Variants in CTNND2 observed in about 807,000 individuals in gnomAD.
CTNND2 encodes the protein catenin delta-2.
CTNND2 carries 22 observed loss-of-function variants against 144.4 expected under a neutral mutation model. The ratio of observed to expected loss-of-function variants is 0.15; its 90% CI spans 0.11 to 0.22. The LOEUF is 0.22. Among genes scored for constraint, CTNND2 ranks in the 10% least tolerant of loss-of-function variants. The pLI is 1.00. For missense variants in CTNND2, 1,353 were observed against 1,618.8 expected, an observed-to-expected ratio of 0.84 and a Z score of 2.82; for synonymous variants, 751 against 695.6, an observed-to-expected ratio of 1.08 and a Z score of -1.25.
intron 12 of CTNND2, among the ~76,000 whole-genome samples, chr5:11,143,041 C>T (rs1362665931): frequency 6.6e-6 from 1 of 152,072 alleles, no homozygotes; most frequent in Non-Finnish European, 1.5e-5. Flanking sequence ...TTCCTCCTTC[C>T]CCCTTGACTT....
intron 3 of CTNND2, among the ~76,000 whole-genome samples, chr5:11,527,754 C>T (rs570195390): frequency 7.2e-5 from 11 of 152,280 alleles, no homozygotes; most frequent in African/African-American, 2.4e-4. Flanking sequence ...TTACTGTATA[C>T]TCTTAACGAG....
At chr5:11,486,552 A>T (rs186279448) in intron 3 of CTNND2, among the ~76,000 whole-genome samples, 149 of 152,272 alleles carry the variant, frequency 9.8e-4, no homozygotes, top group African/African-American at 3.3e-3. Context: ...AGGAAGAAAG[A>T]AGGAAGAAAC....
At chr5:11,457,368 C>CTA (rs1351585869) in intron 3 of CTNND2, among the ~76,000 whole-genome samples, 1 of 152,018 alleles carries the variant, frequency 6.6e-6, no homozygotes, top group African/African-American at 2.4e-5. Flanking sequence ...AGTAGAATTG[C>CTA]TATATATATC....
At chr5:11,285,955 A>C (rs1015045766) in intron 9 of CTNND2, among the ~76,000 whole-genome samples, 4 of 152,376 alleles carry the variant, frequency 2.6e-5, no homozygotes, top group Admixed American at 2.0e-4. Context: ...ATGCAGATCA[A>C]TAATGATGCC....
intron 3 of CTNND2, among the ~76,000 whole-genome samples, chr5:11,526,245 C>T (rs2150047897): frequency 6.6e-6 from 1 of 152,282 alleles, no homozygotes; most frequent in East Asian, 1.9e-4. Flanking sequence ...GTATGGATAA[C>T]ACACATTCAT....
At chr5:11,850,151 T>C (rs956149153) in intron 1 of CTNND2, among the ~76,000 whole-genome samples, 2 of 152,026 alleles carry the variant, frequency 1.3e-5, no homozygotes, top group Non-Finnish European at 2.9e-5. Flanking sequence ...GGGATATAGG[T>C]GATAGATGAG....
At chr5:11,056,702 A>G (rs1246234283) in intron 16 of CTNND2, among the ~76,000 whole-genome samples, 1 of 152,210 alleles carries the variant, frequency 6.6e-6, no homozygotes, top group Non-Finnish European at 1.5e-5. Flanking sequence ...GAACTTTTGT[A>G]AGTAATAATT....
In CTNND2 at chr5:11,271,694, G is replaced by A. The variant is rs1041963074; in HGVS notation, c.1629-34871C>T. 5.3e-5 allele frequency among the ~76,000 whole-genome samples: 8 copies of A among 152,282 alleles called. No homozygotes were observed. In the East Asian group the frequency reaches 1.5e-3, roughly 29 times the overall value. ...TAGATGATACGCTGCAAAGGATTAT[G>A]TTGTACCTTTAAATATCTCATATCA... On this transcript the variant is annotated intron_variant, in intron 9 of 21. Transcript: ENST00000304623.
At chr5:11,489,833 T>C (rs1769215535) in intron 3 of CTNND2, among the ~76,000 whole-genome samples, 1 of 152,224 alleles carries the variant, frequency 6.6e-6, no homozygotes, top group African/African-American at 2.4e-5. Context: ...CAGGCACAGC[T>C]GTGTGTGAAA....
At chr5:11,227,178 A>G (rs925599635) in intron 10 of CTNND2, among the ~76,000 whole-genome samples, 1 of 152,228 alleles carries the variant, frequency 6.6e-6, no homozygotes, top group Non-Finnish European at 1.5e-5. Flanking sequence ...TAACTGTTGG[A>G]AAGAGATTTC....
At chr5:11,079,865 T>C (rs1402823756) in intron 16 of CTNND2, among the ~76,000 whole-genome samples, 3 of 152,078 alleles carry the variant, frequency 2.0e-5, no homozygotes, top group African/African-American at 7.2e-5. Flanking sequence ...ACCTAAACTA[T>C]AAAAATTCTA....
chr5:11,381,924 G>C (rs543437282), intron 7 of CTNND2, among the ~76,000 whole-genome samples: 1 of 152,082 alleles, frequency 6.6e-6, no homozygotes, highest in Non-Finnish European at 1.5e-5. Context: ...CCAAGATCAC[G>C]CCACGGCACT....
intron 2 of CTNND2, among the ~76,000 whole-genome samples, chr5:11,583,339 C>T (rs1048555054): frequency 6.6e-6 from 1 of 152,036 alleles, no homozygotes; most frequent in Admixed American, 6.6e-5. Flanking sequence ...ACAGAAGGGG[C>T]GTATGCAGTG....
intron 11 of CTNND2, among the ~76,000 whole-genome samples, chr5:11,173,764 A>G (rs562266519): frequency 6.6e-6 from 1 of 152,344 alleles, no homozygotes; most frequent in Admixed American, 6.5e-5. Flanking sequence ...TGAAATTCCC[A>G]TAACATACAG....
At chr5:11,602,777 T>C (rs968225079) in intron 2 of CTNND2, among the ~76,000 whole-genome samples, 13 of 146,214 alleles carry the variant, frequency 8.9e-5, no homozygotes, top group Non-Finnish European at 1.7e-4. Context: ...TAGATATAAA[T>C]TAATAGATAT....
At chr5:11,869,323 G>A (rs577473050) in intron 1 of CTNND2, among the ~76,000 whole-genome samples, 28 of 152,296 alleles carry the variant, frequency 1.8e-4, no homozygotes, top group East Asian at 5.8e-4. Flanking sequence ...AAAGCAACTC[G>A]AATGTCAATT....
At chr5:11,524,925 T>G (rs1773091333) in intron 3 of CTNND2, among the ~76,000 whole-genome samples, 1 of 152,224 alleles carries the variant, frequency 6.6e-6, no homozygotes, top group African/African-American at 2.4e-5. Context: ...AAAAATATGC[T>G]ATGTTCATTG....
At chr5:11,087,459 GC>G (rs1431439106) in intron 15 of CTNND2, among the ~76,000 whole-genome samples, 2 of 152,184 alleles carry the variant, frequency 1.3e-5, no homozygotes, top group Admixed American at 1.3e-4. Context: ...AAGGAACTGT[GC>G]TTGGTTCCTG....
chr5:11,621,049 T>G lies in CTNND2; in HGVS notation c.175-55993A>C, dbSNP rs547151822. ...CTGTTTACTCAGCCATTCTCAGGAG[T>G]CTCCTGAAAGAACGGTGTATATGTG... On this transcript the variant is annotated intron_variant, in intron 2 of 21. Transcript: ENST00000304623. Among the ~76,000 whole-genome samples the G allele has an allele frequency of 8.5e-5, 13 of 152,116 alleles. No homozygotes were observed. The East Asian group carries it at 2.5e-3, about 30-fold the overall frequency.
Sources: gnomAD v4.1 joint callset for allele counts (sites outside exome capture counted in the v4.1 genomes callset) on GRCh38, gnomAD v4.1.1 for gene constraint, MANE v1.5 for transcripts, NCBI Gene and HGNC (gene_info 2026-07-23, HGNC 2026-07-21) for gene names.